CMIP: variants seen among roughly 807,000 people sequenced by gnomAD.
CMIP encodes the protein C-Maf-inducing protein.
A neutral mutation model predicts 97.3 loss-of-function variants in CMIP; 13 were observed. The ratio of observed to expected loss-of-function variants is 0.13; its 90% confidence interval spans 0.09 to 0.21. The LOEUF is 0.21. CMIP is among the 10% of genes least tolerant of loss of function. The pLI is 1.00. For missense variants in CMIP, 847 were observed against 1,024.9 expected (o/e 0.83, Z 2.37); for synonymous variants, 538 against 436.3 (o/e 1.23, Z -2.91).
intron 3 of CMIP, among the ~76,000 whole-genome samples, chr16:81,650,486 G>A (rs934816325): frequency 1.5e-4 from 23 of 152,100 alleles, no homozygotes; most frequent in African/African-American, 3.9e-4. Context: ...GGGGTGATGG[G>A]CGGGGGGAAT....
At chr16:81,532,505 G>A (rs992544834) in intron 1 of CMIP, among the ~76,000 whole-genome samples, 1 of 152,244 alleles carries the variant, frequency 6.6e-6, no homozygotes, top group East Asian at 1.9e-4. Flanking sequence ...CCCGGGGGTC[G>A]CCCTGAGCCT....
intron 9 of CMIP, among the ~76,000 whole-genome samples, chr16:81,673,450 A>G (rs968342804): frequency 1.3e-5 from 2 of 152,154 alleles, no homozygotes; most frequent in Non-Finnish European, 2.9e-5. Flanking sequence ...TGGGAGGCAG[A>G]GGTTGCAGTG....
rs373799648 is a variant in CMIP at position 81,664,364 on chromosome 16, C to T, written c.825+15C>T. On this transcript the variant is annotated intron_variant, in intron 7 of 20. Transcript: ENST00000537098. ...AGCATAACATGGTGAGTCACCCTGC[C>T]CCAACACCCAGACCCCAGCGCCCAG... is the stretch of plus-strand genomic sequence containing the variant. The T allele has an allele frequency of 8.2e-6, 13 of 1,578,718 alleles. No individual in the cohort carries two copies. In the African/African-American group the frequency reaches 1.4e-4, roughly 16 times the overall value.
intron 1 of CMIP, among the ~76,000 whole-genome samples, chr16:81,600,169 C>G (rs1324129368): frequency 6.7e-6 from 1 of 149,988 alleles, no homozygotes; most frequent in Non-Finnish European, 1.5e-5. Flanking sequence ...ATCCCAGCTA[C>G]TCAGGAGGCT....
At chr16:81,704,144 C>T (rs547078487) in intron 18 of CMIP, 59 bp downstream of exon 18, 1 of 1,487,860 alleles carries the variant, frequency 6.7e-7, no homozygotes, top group East Asian at 2.4e-5. Flanking sequence ...TCTGCACTCT[C>T]CTCCCTATTC....
intron 2 of CMIP, chr16:81,618,900 C>A (rs963542023): frequency 6.6e-6 from 1 of 152,204 alleles, no homozygotes; most frequent in East Asian, 1.9e-4. Context: ...CAGCTCTCCC[C>A]GAGCAGGGTG....
chr16:81,677,983 C>T (rs1376182606), intron 9 of CMIP, among the ~76,000 whole-genome samples: 2 of 152,236 alleles, frequency 1.3e-5, no homozygotes, highest in African/African-American at 2.4e-5. Flanking sequence ...TCAGCATCCA[C>T]TCAGTCGGTC....
chr16:81,584,328 G>A (rs1235691602), intron 1 of CMIP, among the ~76,000 whole-genome samples: 1 of 152,208 alleles, frequency 6.6e-6, no homozygotes, highest in East Asian at 1.9e-4. Flanking sequence ...GTACTTCGAT[G>A]TCCTCCAGCA....
chr16:81,460,856 T>C (rs969821309), intron 1 of CMIP, among the ~76,000 whole-genome samples: 3 of 152,220 alleles, frequency 2.0e-5, no homozygotes, highest in South Asian at 2.1e-4. Context: ...ACGGTGATGA[T>C]GGTAGTGGCC....
intron 3 of CMIP, among the ~76,000 whole-genome samples, chr16:81,640,807 G>A (rs939703955): frequency 3.3e-5 from 5 of 149,948 alleles, no homozygotes; most frequent in African/African-American, 9.9e-5. Flanking sequence ...TTATAACGAC[G>A]CCAGTCACTG....
chr16:81,471,578 T>TACACAC (rs59971597), intron 1 of CMIP, among the ~76,000 whole-genome samples: 12 of 151,586 alleles, frequency 7.9e-5, no homozygotes, highest in African/African-American at 2.7e-4. Flanking sequence ...CATACACAAA[T>TACACAC]ACACACACAC....
intron 1 of CMIP, among the ~76,000 whole-genome samples, chr16:81,557,357 T>TTGAATTTACTGATGTTGGC (rs2090785563): frequency 6.8e-6 from 1 of 147,324 alleles, no homozygotes; most frequent in Non-Finnish European, 1.5e-5. Flanking sequence ...CTGATGTTGG[T>TTGAATTTACTGATGTTGGC]TGAATTCACT....
Position 81,693,142 on chromosome 16 carries a change from CCT to C in CMIP, c.1455-15_1455-14del, listed in dbSNP as rs746625921. On this transcript the variant is annotated splice_polypyrimidine_tract_variant and intron_variant, in intron 11 of 20. Transcript: ENST00000537098. ...GCTTCTGTTAACCGCCGTGTTTTCC[CCT>C]GTTTTTGTTGCAGAGCTCTCGCACA... 1.2e-4 allele frequency: 188 copies of C among 1,610,986 alleles called. No individual in the cohort carries two copies. Among genetic ancestry groups the C allele is most frequent in the African/African-American group, 2.4e-4 (18 of 74,858 alleles).
At chr16:81,455,053 CAG>C (rs1022208512) in intron 1 of CMIP, among the ~76,000 whole-genome samples, 2 of 152,224 alleles carry the variant, frequency 1.3e-5, no homozygotes, top group African/African-American at 4.8e-5. Context: ...CCTCCTAGAG[CAG>C]AGTCTACCAG....
At chr16:81,656,031 G>A (rs868427183) in intron 4 of CMIP, among the ~76,000 whole-genome samples, 14 of 152,164 alleles carry the variant, frequency 9.2e-5, no homozygotes, top group African/African-American at 3.4e-4. Flanking sequence ...TAAACAGGCT[G>A]CTCAAACTCC....
chr16:81,471,914 G>T (rs1181591013), intron 1 of CMIP, among the ~76,000 whole-genome samples: 3 of 152,216 alleles, frequency 2.0e-5, no homozygotes, highest in African/African-American at 4.8e-5. Context: ...GAAGACTAAA[G>T]AATTGTCTGG....
At chr16:81,631,273 T>C (rs2092154920) in intron 3 of CMIP, 1 of 152,342 alleles carries the variant, frequency 6.6e-6, no homozygotes, top group African/African-American at 2.4e-5. Flanking sequence ...GAGAGGCACG[T>C]CCAGGATCAC....
chr16:81,456,417 CACG>C (rs1302515378), intron 1 of CMIP, among the ~76,000 whole-genome samples: 1 of 152,206 alleles, frequency 6.6e-6, no homozygotes, highest in African/African-American at 2.4e-5. Flanking sequence ...CTCCAGATGT[CACG>C]ACGAGTCCCT....
chr16:81,651,669 C>T (rs976824364), intron 3 of CMIP, among the ~76,000 whole-genome samples: 4 of 152,182 alleles, frequency 2.6e-5, no homozygotes, highest in East Asian at 3.9e-4. Context: ...ACTCTTACTG[C>T]GCTTGAATCC....
Sources: gnomAD v4.1 joint callset for allele counts (sites outside exome capture counted in the v4.1 genomes callset) on GRCh38, gnomAD v4.1.1 for gene constraint, MANE v1.5 for transcripts, NCBI Gene and HGNC (gene_info 2026-07-23, HGNC 2026-07-21) for gene names.